The following PCDHA2 variants were observed in gnomAD, a reference collection of about 807,000 sequenced individuals.
PCDHA2 encodes the protein protocadherin alpha-2.
Under a neutral mutation model 66.0 loss-of-function variants are expected in PCDHA2, and 58 were observed. The ratio of observed to expected loss-of-function variants is 0.88; its 90% confidence interval spans 0.71 to 1.09. The LOEUF (loss-of-function observed/expected upper bound fraction) is 1.09, where lower values mean the gene tolerates loss of function less well. Ranked by LOEUF, PCDHA2 falls within the 50% of genes least tolerant of loss-of-function variation. The probability of loss-of-function intolerance (pLI) is 0.00; values close to 1 mark genes in which losing one functional copy is unlikely to be tolerated. For missense variants in PCDHA2, 1,267 were observed against 1,242.3 expected, an observed-to-expected ratio of 1.02 and a Z score of -0.30; for synonymous variants, 634 against 554.0, an observed-to-expected ratio of 1.14 and a Z score of -2.03.
chr5:140,849,557 G>A (rs2150440607), intron 1 of PCDHA2: 1 of 1,598,482 alleles, frequency 6.3e-7, no homozygotes. Flanking sequence ...CTATCAAAAC[G>A]CTCTCGGTTC....
At chr5:140,834,589 A>C (rs782018607) in intron 1 of PCDHA2, 8 of 1,614,090 alleles carry the variant, frequency 5.0e-6, no homozygotes, top group Non-Finnish European at 6.8e-6. Context: ...GCGGTGTGCA[A>C]ATTCCGTGGG....
chr5:140,958,546 C>A (rs1366018855), intron 1 of PCDHA2, among the ~76,000 whole-genome samples: 3 of 152,034 alleles, frequency 2.0e-5, no homozygotes, highest in Non-Finnish European at 4.4e-5. Context: ...ATTTATGAAC[C>A]AATAAATGTT....
At chr5:140,973,088 A>G (rs2096571573) in intron 1 of PCDHA2, among the ~76,000 whole-genome samples, 4 of 152,204 alleles carry the variant, frequency 2.6e-5, no homozygotes, top group African/African-American at 7.2e-5. Flanking sequence ...CTGGCACAAC[A>G]TGTAGAAATT....
intron 1 of PCDHA2, chr5:140,881,365 T>G (rs1216010175): frequency 2.0e-6 from 2 of 985,144 alleles, no homozygotes; most frequent in Non-Finnish European, 2.4e-6. Context: ...GGCTTTCGTA[T>G]GAATTGCAGC....
At chr5:140,977,307 G>C (rs1023836424) in intron 1 of PCDHA2, among the ~76,000 whole-genome samples, 1 of 152,186 alleles carries the variant, frequency 6.6e-6, no homozygotes, top group Admixed American at 6.5e-5. Flanking sequence ...ACAAGCTAAC[G>C]ATAGTGCTCC....
At chr5:141,006,995 A>C (rs1277177404) in intron 3 of PCDHA2, among the ~76,000 whole-genome samples, 1 of 152,208 alleles carries the variant, frequency 6.6e-6, no homozygotes, top group Non-Finnish European at 1.5e-5. Flanking sequence ...TTAAAATATA[A>C]GTCTGCATCT....
At chr5:140,870,638 A>G in intron 1 of PCDHA2, 1 of 1,612,842 alleles carries the variant, frequency 6.2e-7, no homozygotes, top group East Asian at 2.2e-5. Flanking sequence ...GTGCACGCGG[A>G]GAGCGGCAAG....
At chr5:140,927,688 G>C in intron 1 of PCDHA2, 1 of 1,614,062 alleles carries the variant, frequency 6.2e-7, no homozygotes, top group Non-Finnish European at 8.5e-7. Context: ...AGGGTCCAAT[G>C]GGGAAGTCCA....
At chr5:140,842,540 T>A in intron 1 of PCDHA2, 1 of 1,610,630 alleles carries the variant, frequency 6.2e-7, no homozygotes. Context: ...TTACTACTCG[T>A]TGGTGCTGGA....
intron 1 of PCDHA2, chr5:140,865,754 C>T (rs1554159601): frequency 6.6e-6 from 1 of 152,144 alleles, no homozygotes; most frequent in East Asian, 1.9e-4. Context: ...AGTGCCAGTA[C>T]ATGGTGGAGA....
rs2150418084 is a variant in PCDHA2 at position 140,848,701 on chromosome 5, A to G, written c.2388+51349A>G. The G allele has an allele frequency of 3.1e-6, 5 of 1,592,360 alleles. 1 individual carries two copies. In the South Asian group the frequency reaches 4.4e-5, roughly 14 times the overall value. On this transcript the variant is annotated intron_variant, in intron 1 of 3. Transcript: ENST00000526136. Reference sequence around the variant, plus strand: ...CCGCGCCTGTTCCAGTTGGATTCCAAAGGCCGCGGGGACCTTCTGGAGGTA... The same window carrying G: ...CCGCGCCTGTTCCAGTTGGATTCCAGAGGCCGCGGGGACCTTCTGGAGGTA...
In PCDHA2 at chr5:140,796,678, A is replaced by G. The variant is rs1762121587; in HGVS notation, c.1714A>G (p.Thr572Ala). 6.2e-7 allele frequency: 1 copy of G among 1,613,748 alleles called. No individual in the cohort carries two copies. Among genetic ancestry groups the G allele is most frequent in the Non-Finnish European group, 8.5e-7 (1 of 1,179,890 alleles). ...GGCACTGTTGGCGCCTAGGGCTGGC[A>G]CCGCTGCTGGCGCAGTGAGTGAGCT... ...APALLAPRAG[T>A]AAGAVSELVP... The change falls in exon 1 of 4, where the codon ACC becomes GCC. Residue 572 changes from threonine to alanine, a missense_variant. By Grantham distance (58) the Thr-to-Ala change is moderately conservative. Transcript: ENST00000526136.
chr5:140,913,981 G>A (rs1222294742), intron 1 of PCDHA2, among the ~76,000 whole-genome samples: 1 of 152,090 alleles, frequency 6.6e-6, no homozygotes, highest in Non-Finnish European at 1.5e-5. Flanking sequence ...TTTAGGACTT[G>A]TATTGTGACT....
At chr5:140,877,178 C>A (rs370071106) in intron 1 of PCDHA2, 34 of 1,613,676 alleles carry the variant, frequency 2.1e-5, no homozygotes, top group Middle Eastern at 1.7e-4. Context: ...CTGGCGACTC[C>A]GGCTGGCAGC....
chr5:140,834,137 A>G, intron 1 of PCDHA2: 1 of 496,492 alleles, frequency 2.0e-6, no homozygotes. Context: ...TCATCTGATT[A>G]ATAGTTTGTA....
chr5:140,795,053 A>G lies in PCDHA2; in HGVS notation c.89A>G (p.Gln30Arg), dbSNP rs781966168. ...GCAGCCTGGGAGGTGGGGAGCGGCC[A>G]GCTCCGCTACTCCGTCCCCGAGGAG... ...LLAAWEVGSG[Q>R]LRYSVPEEAK... Residue 30 changes from glutamine to arginine, a missense_variant, in exon 1 of 4, where the codon CAG becomes CGG. By Grantham distance (43) the Gln-to-Arg change is conservative (BLOSUM62 1). Coordinates refer to ENST00000526136, the MANE Select transcript of PCDHA2 (RefSeq NM_018905.3). 24 of 1,613,758 alleles carry G rather than the reference A, an allele frequency of 1.5e-5. No individual in the cohort carries two copies. The highest frequency in any genetic ancestry group is 1.9e-5 in the Non-Finnish European group (22 of 1,180,028).
intron 1 of PCDHA2, chr5:140,869,808 C>A: frequency 6.2e-7 from 1 of 1,612,402 alleles, no homozygotes; most frequent in South Asian, 1.1e-5. Context: ...TCTTGGATGT[C>A]AACGACAATG....
chr5:140,918,572 G>T (rs2153549346), intron 1 of PCDHA2, among the ~76,000 whole-genome samples: 1 of 152,264 alleles, frequency 6.6e-6, no homozygotes, highest in Middle Eastern at 3.4e-3. Context: ...ATATTATGCT[G>T]CTATTGGCTA....
chr5:140,985,930 G>A (rs577670490), intron 3 of PCDHA2, among the ~76,000 whole-genome samples: 1 of 151,914 alleles, frequency 6.6e-6, no homozygotes, highest in East Asian at 1.9e-4. Flanking sequence ...TAGTAGAGCC[G>A]GGGTTTCACT....
Sources: allele counts gnomAD v4.1 joint callset (sites outside exome capture counted in the v4.1 genomes callset), GRCh38; gene constraint gnomAD v4.1.1; transcripts MANE v1.5; gene names NCBI Gene and HGNC (gene_info 2026-07-23, HGNC 2026-07-21).